ANO7: variants seen among roughly 807,000 people sequenced by gnomAD.
The protein encoded by ANO7 is anoctamin-7.
A neutral mutation model predicts 115.8 loss-of-function variants in ANO7; 114 were observed. The observed-to-expected ratio is 0.98, with a 90% CI of 0.85 to 1.15. The LOEUF (loss-of-function observed/expected upper bound fraction) is 1.15, where lower values mean the gene tolerates loss of function less well. Ranked by LOEUF, ANO7 falls within the 50% of genes most tolerant of loss-of-function variation. ANO7 has a pLI of 0.00. For missense variants in ANO7, 1,302 were observed against 1,201.2 expected, an observed-to-expected ratio of 1.08 and a Z score of -1.24; for synonymous variants, 550 against 498.2, an observed-to-expected ratio of 1.10 and a Z score of -1.38.
At chr2:241,196,880 T>C (rs922961277) in intron 4 of ANO7, among the ~76,000 whole-genome samples, 3 of 148,640 alleles carry the variant, frequency 2.0e-5, no homozygotes, top group Admixed American at 2.0e-4. Context: ...TGTGTGTGTG[T>C]GTGTCCTTGT....
Position 241,203,401 on chromosome 2 carries a change from G to A in ANO7, c.792G>A (p.Gln264=), listed in dbSNP as rs372328977. Residue 264 remains glutamine, a synonymous_variant, in exon 9 of 25, where the codon CAG becomes CAA. Transcript: ENST00000674324. This position sits in a 1 kb window ranked among gnomAD's most constrained non-coding sequence, Gnocchi z 4.8. ...TCAACCAGCGCCAAGTCCTTTTCCA[G>A]CACTGGGCGCGCTGGGGCAAGTGGA... The part of the protein sequence containing the change: ...PRLNQRQVLF[Q]HWARWGKWNK... The A allele has an allele frequency of 5.0e-6, 8 of 1,599,024 alleles. No individual in the cohort carries two copies. Among genetic ancestry groups the A allele is most frequent in the Admixed American group, 1.7e-5 (1 of 58,688 alleles).
chr2:241,189,342 G>A (rs986249010), intron 1 of ANO7, among the ~76,000 whole-genome samples: 4 of 152,180 alleles, frequency 2.6e-5, no homozygotes, highest in Non-Finnish European at 4.4e-5. Context: ...CTCCTGCGGC[G>A]CCTCCATGGT....
the ANO7 span, among the ~76,000 whole-genome samples, chr2:241,234,892 G>A: frequency 8.8e-4 from 134 of 152,296 alleles, 1 homozygote; most frequent in African/African-American, 3.0e-3. Flanking sequence ...AAATTTACAC[G>A]GAAGTCCAAC....
the ANO7 span, among the ~76,000 whole-genome samples, chr2:241,234,925 GAGAA>G: frequency 3.3e-5 from 5 of 152,244 alleles, no homozygotes; most frequent in Non-Finnish European, 7.3e-5. Context: ...TTATGAAAAA[GAGAA>G]AGGTGCCATG....
At chr2:241,228,614 C>T (rs1181284534), downstream of ANO7, 1 of 152,636 alleles carries the variant, frequency 6.6e-6, no homozygotes, top group Non-Finnish European at 1.5e-5. Flanking sequence ...AACCCATAAC[C>T]ACCAGAAACA....
Position 241,217,789 on chromosome 2 carries a change from G to A in ANO7, c.2076G>A (p.Lys692=). The A allele has an allele frequency of 1.2e-6, 2 of 1,610,344 alleles. No homozygotes were observed. The highest frequency in any genetic ancestry group is 1.7e-6 in the Non-Finnish European group (2 of 1,179,014). ...TGGAGATCCGCTTGGACGCGCGCAA[G>A]TTCGTCTGCGAGTACCGGCGCCCGG... ...NWVEIRLDAR[K]FVCEYRRPVA... Residue 692 remains lysine, a synonymous_variant, in exon 20 of 25, where the codon AAG becomes AAA. Coordinates refer to ENST00000674324, the MANE Select transcript of ANO7 (RefSeq NM_001370694.2).
the ANO7 span, chr2:241,233,767 G>C: frequency 2.5e-6 from 4 of 1,608,500 alleles, no homozygotes; most frequent in Admixed American, 6.7e-5. This position sits in a 1 kb window ranked among gnomAD's most constrained non-coding sequence, Gnocchi z 4.3. Flanking sequence ...CCAAGTCACA[G>C]GAAAGGTCAA....
At chr2:241,196,206 A>G in intron 4 of ANO7, 3 of 1,132,808 alleles carry the variant, frequency 2.6e-6, no homozygotes, top group Non-Finnish European at 3.3e-6. Flanking sequence ...TTATAGAATT[A>G]ACAGCTTAAA....
chr2:241,205,693 C>T (rs1299517151), intron 10 of ANO7, among the ~76,000 whole-genome samples: 1 of 95,702 alleles, frequency 1.0e-5, no homozygotes, highest in Non-Finnish European at 2.0e-5. Context: ...AAGGCTGACA[C>T]AGGTGGACAG....
Position 241,217,904 on chromosome 2 carries a change from C to A in ANO7, c.2178+13C>A, listed in dbSNP as rs1205788869. ...GGTCATCAGCAACGTGAGGCCCGGG[C>A]GGGAGCGCGGGGCGGGGCGGGGGCG... On this transcript the variant is annotated intron_variant, in intron 20 of 24. Transcript: ENST00000674324. 2.1e-5 allele frequency: 28 copies of A among 1,364,234 alleles called. No individual in the cohort carries two copies. The highest frequency in any genetic ancestry group is 3.8e-5 in the South Asian group (3 of 78,948). 84.5% of individuals were successfully genotyped at this position (1,364,234 alleles called of 1,614,324 possible). A position where few individuals can be genotyped will look rare whatever the true frequency, so the allele number is the denominator to read the frequency against.
the ANO7 span, among the ~76,000 whole-genome samples, chr2:241,232,999 A>T: frequency 6.9e-6 from 1 of 145,392 alleles, no homozygotes; most frequent in East Asian, 2.3e-4. Context: ...GGGAAGGGGA[A>T]GGGGAAGCAG....
At chr2:241,204,268 G>A (rs560517384) in intron 9 of ANO7, among the ~76,000 whole-genome samples, 3 of 152,334 alleles carry the variant, frequency 2.0e-5, no homozygotes, top group Admixed American at 1.3e-4. Context: ...GCAGACTTGC[G>A]TTTCACAGCA....
At chr2:241,238,537 A>T in the ANO7 span, 1 of 863,486 alleles carries the variant, frequency 1.2e-6, no homozygotes. The surrounding 1 kb of genome is among the most constrained non-coding windows in gnomAD (Gnocchi z 4.9). Flanking sequence ...GAATACATAG[A>T]TGGTTTTCCA....
chr2:241,235,423 C>T, the ANO7 span: 7 of 1,459,310 alleles, frequency 4.8e-6, no homozygotes, highest in Non-Finnish European at 6.7e-6. Context: ...TGAGAAAGGA[C>T]ACTGGCACTC....
chr2:241,193,195 G>C (rs2871618), intron 3 of ANO7, among the ~76,000 whole-genome samples: 1 of 151,710 alleles, frequency 6.6e-6, no homozygotes, highest in East Asian at 1.9e-4. Flanking sequence ...TCAGCCTCCC[G>C]AGTAGCTGGG....
At chr2:241,217,179 G>C (rs942376841) in intron 19 of ANO7, among the ~76,000 whole-genome samples, 1 of 152,172 alleles carries the variant, frequency 6.6e-6, no homozygotes, top group Non-Finnish European at 1.5e-5. Context: ...GGCAGGCCCC[G>C]GAGCTCCCCA....
intron 21 of ANO7, among the ~76,000 whole-genome samples, chr2:241,222,193 C>T (rs1013862952): frequency 9.2e-5 from 14 of 151,698 alleles, no homozygotes; most frequent in Admixed American, 5.9e-4. Flanking sequence ...AAGATCACGC[C>T]ACTGCACTCC....
chr2:241,229,967 G>A (rs1272674188), downstream of ANO7: 2 of 1,592,762 alleles, frequency 1.3e-6, no homozygotes, highest in East Asian at 2.2e-5. Context: ...GCTAGCTGCA[G>A]GCAGAAGACA....
At chr2:241,192,492 G>T (rs374325559) in intron 3 of ANO7, among the ~76,000 whole-genome samples, 2 of 152,058 alleles carry the variant, frequency 1.3e-5, no homozygotes, top group East Asian at 3.9e-4. Flanking sequence ...TCACACCCCC[G>T]GGGTCTCTTC....
Sources: allele counts gnomAD v4.1 joint callset (sites outside exome capture counted in the v4.1 genomes callset), GRCh38; gene constraint gnomAD v4.1.1; non-coding constraint Gnocchi (gnomAD v3.1); transcripts MANE v1.5; gene names NCBI Gene and HGNC (gene_info 2026-07-23, HGNC 2026-07-21).